The following GRID2 variants were observed in gnomAD, a reference collection of about 807,000 sequenced individuals.
GRID2 encodes glutamate receptor ionotropic, delta-2.
GRID2 carries 33 observed loss-of-function variants against 114.8 expected under a neutral mutation model. The ratio of observed to expected loss-of-function variants is 0.29; its 90% CI spans 0.22 to 0.38. The LOEUF is 0.38. Ranked by LOEUF, GRID2 falls within the 10% of genes least tolerant of loss-of-function variation. The pLI, the probability that GRID2 is intolerant of heterozygous loss-of-function variation, is 1.00. For missense variants in GRID2, 1,184 were observed against 1,257.7 expected, an observed-to-expected ratio of 0.94 and a Z score of 0.89; for synonymous variants, 505 against 449.9, an observed-to-expected ratio of 1.12 and a Z score of -1.55.
intron 13 of GRID2, among the ~76,000 whole-genome samples, chr4:93,611,473 C>T (rs1413657660): frequency 2.7e-4 from 35 of 130,884 alleles, no homozygotes; most frequent in Non-Finnish European, 4.4e-4. Flanking sequence ...TTTCCCTCTA[C>T]ACACTGCTTT....
At chr4:93,082,401 G>A (rs1729949631) in intron 2 of GRID2, among the ~76,000 whole-genome samples, 1 of 152,162 alleles carries the variant, frequency 6.6e-6, no homozygotes, top group African/African-American at 2.4e-5. Flanking sequence ...TGTTTTTTAA[G>A]TGGGTGCATT....
chr4:93,492,571 G>C (rs1313377426), intron 12 of GRID2, among the ~76,000 whole-genome samples: 1 of 151,726 alleles, frequency 6.6e-6, no homozygotes, highest in African/African-American at 2.4e-5. Flanking sequence ...TCCTCAACTG[G>C]TCTGAGGAAA....
At chr4:93,329,517 G>A (rs1037259237) in intron 8 of GRID2, among the ~76,000 whole-genome samples, 1 of 151,948 alleles carries the variant, frequency 6.6e-6, no homozygotes, top group Admixed American at 6.6e-5. Context: ...ACTAATAATA[G>A]TTTCTCAAGA....
chr4:93,179,953 T>C (rs558283458), intron 4 of GRID2, among the ~76,000 whole-genome samples: 5 of 152,158 alleles, frequency 3.3e-5, no homozygotes, highest in African/African-American at 1.2e-4. Flanking sequence ...AGATAAAATC[T>C]GAATTTTGCA....
intron 2 of GRID2, among the ~76,000 whole-genome samples, chr4:92,828,723 C>T (rs1230815377): frequency 1.3e-5 from 2 of 151,990 alleles, no homozygotes; most frequent in African/African-American, 4.8e-5. Flanking sequence ...TGTTAATCAA[C>T]ACTGAAAAAC....
chr4:92,361,499 C>A (rs991119367), intron 1 of GRID2, among the ~76,000 whole-genome samples: 1 of 151,820 alleles, frequency 6.6e-6, no homozygotes, highest in Non-Finnish European at 1.5e-5. Flanking sequence ...TTTTCACAAC[C>A]TTGTATTGCT....
intron 4 of GRID2, among the ~76,000 whole-genome samples, chr4:93,195,647 A>T (rs942839856): frequency 2.0e-5 from 3 of 152,202 alleles, no homozygotes; most frequent in Non-Finnish European, 4.4e-5. Context: ...AGAAGAGCAG[A>T]ACTGACTATA....
At chr4:92,652,922 A>T (rs186471337) in intron 2 of GRID2, among the ~76,000 whole-genome samples, 2,126 of 131,496 alleles carry the variant, frequency 0.016, 100 homozygotes, top group African/African-American at 0.055. Context: ...TTATAAATAC[A>T]TATAAATATA....
intron 1 of GRID2, among the ~76,000 whole-genome samples, chr4:92,525,181 A>G (rs180861285): frequency 1.3e-3 from 196 of 152,126 alleles, no homozygotes; most frequent in African/African-American, 4.3e-3. Flanking sequence ...AATAGCTACT[A>G]TATATTTAAG....
intron 13 of GRID2, among the ~76,000 whole-genome samples, chr4:93,517,354 T>A (rs569803031): frequency 8.0e-4 from 122 of 152,250 alleles, no homozygotes; most frequent in Non-Finnish European, 1.5e-3. Flanking sequence ...TTTGTTAGTC[T>A]GTTGATAAGG....
chr4:93,769,121 C>A, intron 14 of GRID2, 89 bp from the exon 15 acceptor site: 2 of 1,282,090 alleles, frequency 1.6e-6, no homozygotes, highest in Non-Finnish European at 2.2e-6. Context: ...AGCCACCATC[C>A]TACAGAGGTG....
At chr4:93,216,187 T>C (rs953989703) in intron 5 of GRID2, among the ~76,000 whole-genome samples, 3 of 80,880 alleles carry the variant, frequency 3.7e-5, no homozygotes, top group Non-Finnish European at 6.9e-5. Flanking sequence ...TTCTAATAAA[T>C]TATTAGAAAA....
intron 1 of GRID2, among the ~76,000 whole-genome samples, chr4:92,319,386 A>G (rs951496063): frequency 3.9e-5 from 6 of 152,200 alleles, no homozygotes; most frequent in African/African-American, 1.4e-4. Flanking sequence ...CCCTTGATTG[A>G]ATTTCCAATG....
chr4:92,969,304 A>G (rs948988251), intron 2 of GRID2, among the ~76,000 whole-genome samples: 17 of 151,754 alleles, frequency 1.1e-4, no homozygotes, highest in Non-Finnish European at 2.5e-4. Flanking sequence ...CAATCCAACT[A>G]TAGATAAAGA....
intron 8 of GRID2, among the ~76,000 whole-genome samples, chr4:93,263,278 A>G (rs1046934709): frequency 1.6e-4 from 25 of 152,022 alleles, no homozygotes; most frequent in Non-Finnish European, 1.2e-4. Context: ...TAATTTCAAT[A>G]CAGTCAAATC....
At chr4:92,553,724 T>C (rs1726711055) in intron 1 of GRID2, among the ~76,000 whole-genome samples, 1 of 152,150 alleles carries the variant, frequency 6.6e-6, no homozygotes, top group South Asian at 2.1e-4. Flanking sequence ...CAATCTCGGC[T>C]CACTGCAACT....
chr4:92,479,737 C>T (rs1022204451), intron 1 of GRID2, among the ~76,000 whole-genome samples: 10 of 152,022 alleles, frequency 6.6e-5, no homozygotes, highest in African/African-American at 2.2e-4. Flanking sequence ...GAACAAACTA[C>T]GTTAAATGAT....
intron 1 of GRID2, among the ~76,000 whole-genome samples, chr4:92,342,848 C>T (rs890843701): frequency 2.0e-5 from 3 of 152,092 alleles, no homozygotes; most frequent in Admixed American, 6.6e-5. Context: ...ATATTCTCTT[C>T]GTCACAAACT....
At chr4:93,049,920 T>C (rs1464141621) in intron 2 of GRID2, among the ~76,000 whole-genome samples, 1 of 152,026 alleles carries the variant, frequency 6.6e-6, no homozygotes, top group Non-Finnish European at 1.5e-5. Flanking sequence ...GCACTTTCTT[T>C]TCCTATGTTA....
Sources: allele counts gnomAD v4.1 joint callset (sites outside exome capture counted in the v4.1 genomes callset), GRCh38; gene constraint gnomAD v4.1.1; transcripts MANE v1.5; gene names NCBI Gene and HGNC (gene_info 2026-07-23, HGNC 2026-07-21).